The following CASD1 variants were observed in gnomAD, a reference collection of about 807,000 sequenced individuals.
CASD1 encodes the protein CAS1 domain sialic acid O acetyltransferase 1.
A neutral mutation model predicts 100.0 loss-of-function variants in CASD1; 41 were observed. The ratio of observed to expected loss-of-function variants is 0.41; its 90% confidence interval spans 0.32 to 0.53. CASD1 has a LOEUF of 0.53. CASD1 is among the 20% of genes least tolerant of loss of function. CASD1 has a pLI of 0.25. For synonymous variants in CASD1, 321 were observed against 315.6 expected, an observed-to-expected ratio of 1.02 and a Z score of -0.18; for missense variants, 774 against 948.7, an observed-to-expected ratio of 0.82 and a Z score of 2.42.
the CASD1 span, among the ~76,000 whole-genome samples, chr7:94,632,863 A>G: frequency 9.0e-3 from 1,367 of 152,146 alleles, 19 homozygotes; most frequent in African/African-American, 0.031. Flanking sequence ...TGAGCTATAT[A>G]AATAAAGCTG....
At chr7:94,623,626 A>T in the CASD1 span, 2 of 505,066 alleles carry the variant, frequency 4.0e-6, no homozygotes, top group African/African-American at 3.9e-5. Context: ...AAAAGTTAAA[A>T]TCAGAAAGAC....
the CASD1 span, among the ~76,000 whole-genome samples, chr7:94,563,771 C>T: frequency 6.6e-6 from 1 of 151,988 alleles, no homozygotes; most frequent in Non-Finnish European, 1.5e-5. Flanking sequence ...CCCCCAGAAC[C>T]CAAAGAGCCT....
chr7:94,516,235 A>T (rs539788183), intron 1 of CASD1, among the ~76,000 whole-genome samples: 2 of 152,174 alleles, frequency 1.3e-5, no homozygotes, highest in South Asian at 2.1e-4. Flanking sequence ...CCAGTTTCCC[A>T]TCAATAAGAT....
intron 3 of CASD1, among the ~76,000 whole-genome samples, chr7:94,523,404 C>T (rs1361059683): frequency 1.3e-5 from 2 of 152,132 alleles, no homozygotes; most frequent in Non-Finnish European, 2.9e-5. Flanking sequence ...TAACAAATAT[C>T]TACATGCCAA....
chr7:94,586,053 A>G, the CASD1 span, among the ~76,000 whole-genome samples: 1 of 145,450 alleles, frequency 6.9e-6, no homozygotes, highest in Non-Finnish European at 1.5e-5. Context: ...GAAAACAAGG[A>G]ACTAAATGAA....
intron 14 of CASD1, among the ~76,000 whole-genome samples, chr7:94,550,713 T>G (rs756101782): frequency 1.3e-5 from 2 of 152,018 alleles, no homozygotes; most frequent in Non-Finnish European, 2.9e-5. Flanking sequence ...ATCCCATTCA[T>G]GAAGGCTCTG....
rs1793602877 is a variant in CASD1, at chr7:94,509,959, G to A, written c.-126G>A. 7 of 1,207,328 alleles carry A rather than the reference G, an allele frequency of 5.8e-6. No homozygotes were observed. Among genetic ancestry groups the A allele is most frequent in the Non-Finnish European group, 6.2e-6 (6 of 964,396 alleles). The allele number at this position is 1,207,328 out of a possible 1,614,324, so 74.8% of individuals were successfully genotyped here. On this transcript the variant is annotated 5_prime_UTR_variant, in exon 1 of 18. Transcript: ENST00000297273. ...GGGGTCAGGTTCCCCGGCGGGAGGCGCAGGTGGCGGCCTGGGGAGCTGGCG... is the reference window on the plus strand; with the variant it reads ...GGGGTCAGGTTCCCCGGCGGGAGGCACAGGTGGCGGCCTGGGGAGCTGGCG...
At position 94,555,613 on chromosome 7, in the gene CASD1, A is replaced by G. The variant is rs775692046; in HGVS notation, c.2249A>G (p.His750Arg). Residue 750 changes from histidine to arginine, a missense_variant, in exon 18 of 18, where the codon CAT (histidine) becomes CGT (arginine). Coordinates refer to ENST00000297273, the MANE Select transcript of CASD1 (RefSeq NM_022900.5). The part of the protein sequence containing the change: ...VSTFIFVCVA[H>R]EISQITNDLA... ...ACTTTCATATTTGTTTGTGTGGCAC[A>G]TGAAATTTCTCAGATCACTAATGAT... is the stretch of plus-strand genomic sequence containing the variant. The G allele has an allele frequency of 9.3e-6, 15 of 1,613,626 alleles. No individual in the cohort carries two copies. The highest frequency in any genetic ancestry group is 1.1e-5 in the Non-Finnish European group (13 of 1,179,700).
downstream of CASD1, among the ~76,000 whole-genome samples, chr7:94,561,688 A>C (rs538282532): frequency 6.6e-6 from 1 of 152,192 alleles, no homozygotes; most frequent in African/African-American, 2.4e-5. Context: ...TTTGCCTAAA[A>C]GATGTCACTC....
chr7:94,572,859 T>G, the CASD1 span, among the ~76,000 whole-genome samples: 2 of 152,170 alleles, frequency 1.3e-5, 1 homozygote, highest in Non-Finnish European at 2.9e-5. Flanking sequence ...TTTTTATAAT[T>G]TGGGGTTTTA....
chr7:94,531,689 T>G (rs1411074540), intron 5 of CASD1, among the ~76,000 whole-genome samples: 1 of 152,166 alleles, frequency 6.6e-6, no homozygotes, highest in Non-Finnish European at 1.5e-5. Context: ...ATTTGTAGTA[T>G]TTTACAGTAA....
chr7:94,534,159 A>ATTTT (rs56864121), intron 7 of CASD1, among the ~76,000 whole-genome samples: 6 of 100,534 alleles, frequency 6.0e-5, no homozygotes, highest in Admixed American at 1.2e-4. Flanking sequence ...CTGTTTCATA[A>ATTTT]TTTTTTTTTT....
downstream of CASD1, chr7:94,557,118 A>G (rs1796236364): frequency 6.6e-6 from 1 of 152,054 alleles, no homozygotes; most frequent in Non-Finnish European, 1.5e-5. Flanking sequence ...TTACCAAATG[A>G]TAGTTGGATA....
downstream of CASD1, among the ~76,000 whole-genome samples, chr7:94,560,693 G>A (rs745931898): frequency 2.6e-5 from 4 of 152,086 alleles, no homozygotes; most frequent in Admixed American, 6.5e-5. Context: ...ATAAGGTAAT[G>A]GTTTGATTTC....
At chr7:94,558,274 G>T (rs2116452209), downstream of CASD1, among the ~76,000 whole-genome samples, 1 of 152,258 alleles carries the variant, frequency 6.6e-6, no homozygotes, top group South Asian at 2.1e-4. Context: ...CTTAAAACGG[G>T]AATGCATCCT....
At chr7:94,587,495 A>G in the CASD1 span, 1 of 1,293,090 alleles carries the variant, frequency 7.7e-7, no homozygotes, top group Non-Finnish European at 9.7e-7. Context: ...CTATCGTAGA[A>G]GTATTCTTTT....
rs1395668344 is a variant in CASD1, at chr7:94,551,491, A to T, written c.1956+13A>T. On this transcript the variant is annotated intron_variant, in intron 15 of 17. Transcript: ENST00000297273. The stretch of plus-strand genomic sequence containing the variant: ...AGTTTCTTTCTTGGTAAGTTTTGAA[A>T]ACTTTCCAAAATTCTAAATGGTATG... The T allele has an allele frequency of 7.4e-7, 1 of 1,353,222 alleles. No homozygotes were observed. Among genetic ancestry groups the T allele is most frequent in the Non-Finnish European group, 9.8e-7 (1 of 1,019,836 alleles). 83.8% of individuals were successfully genotyped at this position (1,353,222 alleles called of 1,614,324 possible). A position where few individuals can be genotyped will look rare whatever the true frequency, so the allele number is the denominator to read the frequency against.
rs1466760528 is a variant in CASD1, at chr7:94,547,045, G to A, written c.1634-51G>A. 7 of 1,143,944 alleles carry A rather than the reference G, an allele frequency of 6.1e-6. No individual in the cohort carries two copies. The African/African-American group carries it at 1.1e-4, about 18-fold the overall frequency. The allele number at this position is 1,143,944 out of a possible 1,614,324, so 70.9% of individuals were successfully genotyped here. On this transcript the variant is annotated intron_variant, in intron 12 of 17. Transcript: ENST00000297273. ...ATATCAAATAGAGAGTATTTAATAT[G>A]TTGTCTAATATAAATTTATTTTTTA...
At chr7:94,598,339 CA>C in the CASD1 span, 1 of 187,358 alleles carries the variant, frequency 5.3e-6, no homozygotes, top group Non-Finnish European at 1.1e-5. Context: ...AAAAACAACC[CA>C]AACACCCTTA....
Sources: gnomAD v4.1 joint callset for allele counts (sites outside exome capture counted in the v4.1 genomes callset) on GRCh38, gnomAD v4.1.1 for gene constraint, MANE v1.5 for transcripts, NCBI Gene and HGNC (gene_info 2026-07-23, HGNC 2026-07-21) for gene names.